The following PRELID2 variants were observed in gnomAD, a reference collection of about 807,000 sequenced individuals.
The protein encoded by PRELID2 is PRELI domain-containing protein 2.
Under a neutral mutation model 28.4 loss-of-function variants are expected in PRELID2, and 25 were observed. That is an observed-to-expected ratio of 0.88 (90% CI 0.64 to 1.23). The LOEUF (loss-of-function observed/expected upper bound fraction) is 1.23. PRELID2 is among the 50% of genes most tolerant of loss of function. The pLI is 0.00. For missense variants in PRELID2, 201 were observed against 214.4 expected, an observed-to-expected ratio of 0.94 and a Z score of 0.39; for synonymous variants, 76 against 71.6, an observed-to-expected ratio of 1.06 and a Z score of -0.31.
the PRELID2 span, among the ~76,000 whole-genome samples, chr5:145,457,272 T>C: frequency 6.6e-6 from 1 of 152,184 alleles, no homozygotes; most frequent in East Asian, 1.9e-4. Flanking sequence ...AATGATCATA[T>C]CAATCATCTC....
At chr5:145,511,760 C>A (rs1752463139) in intron 1 of PRELID2, among the ~76,000 whole-genome samples, 1 of 152,210 alleles carries the variant, frequency 6.6e-6, no homozygotes, top group Non-Finnish European at 1.5e-5. Flanking sequence ...CTTCCAGGAA[C>A]TTTCTGAAGA....
chr5:145,267,914 G>C, the PRELID2 span, among the ~76,000 whole-genome samples: 1 of 152,048 alleles, frequency 6.6e-6, no homozygotes, highest in African/African-American at 2.4e-5. Flanking sequence ...GTGACGTTAA[G>C]CACATTTTAA....
At chr5:145,257,851 TA>T in the PRELID2 span, among the ~76,000 whole-genome samples, 2 of 152,152 alleles carry the variant, frequency 1.3e-5, no homozygotes, top group African/African-American at 2.4e-5. Flanking sequence ...AGTCAAATTG[TA>T]ATCCCCAGTG....
At chr5:145,510,788 G>A (rs1416163706) in intron 1 of PRELID2, among the ~76,000 whole-genome samples, 1 of 152,168 alleles carries the variant, frequency 6.6e-6, no homozygotes, top group East Asian at 1.9e-4. Context: ...AGGAAACTCT[G>A]GGTGTCCTGT....
intron 4 of PRELID2, among the ~76,000 whole-genome samples, chr5:145,796,819 T>G (rs1030492404): frequency 1.3e-5 from 2 of 152,148 alleles, no homozygotes; most frequent in Non-Finnish European, 2.9e-5. Context: ...GATATGACCT[T>G]AGGTAAATTA....
the PRELID2 span, among the ~76,000 whole-genome samples, chr5:145,295,219 C>A: frequency 6.6e-6 from 1 of 151,696 alleles, no homozygotes; most frequent in African/African-American, 2.4e-5. Flanking sequence ...CATAGCCCTG[C>A]AAAAAAATTG....
chr5:145,797,343 A>C (rs546794974), intron 4 of PRELID2, among the ~76,000 whole-genome samples: 1 of 152,262 alleles, frequency 6.6e-6, no homozygotes, highest in Non-Finnish European at 1.5e-5. Context: ...AGCAGATAAG[A>C]AACTTTGTTG....
rs574905936 is a variant in PRELID2 at position 145,577,050 on chromosome 5, G to C, written n.71-103735C>G. 2.2e-3 allele frequency among the ~76,000 whole-genome samples: 338 copies of C among 152,222 alleles called. 2 individuals are homozygous for C. The highest frequency in any genetic ancestry group is 3.4e-3 in the Middle Eastern group (1 of 294). ...ACCACAACAGACACAGTGGTTCCAGGCTTAGGGACCCTGCCAGCCAGCCTT... is the reference window on the plus strand; with the variant it reads ...ACCACAACAGACACAGTGGTTCCAGCCTTAGGGACCCTGCCAGCCAGCCTT... On this transcript the variant is annotated intron_variant and non_coding_transcript_variant, in intron 1 of 2. Coordinates refer to the PRELID2 transcript ENST00000510259.
intron 4 of PRELID2, among the ~76,000 whole-genome samples, chr5:145,815,470 G>A (rs1754234976): frequency 6.6e-6 from 1 of 152,174 alleles, no homozygotes; most frequent in South Asian, 2.1e-4. Context: ...GTGAGGTTTA[G>A]TATATTCGCA....
chr5:145,797,390 T>C (rs1752833682), intron 4 of PRELID2, among the ~76,000 whole-genome samples: 1 of 152,052 alleles, frequency 6.6e-6, no homozygotes, highest in Non-Finnish European at 1.5e-5. Flanking sequence ...CCCAGCATAG[T>C]GTAACGCAAT....
At chr5:145,808,983 G>T (rs1410474762) in intron 4 of PRELID2, among the ~76,000 whole-genome samples, 1 of 150,342 alleles carries the variant, frequency 6.7e-6, no homozygotes, top group Non-Finnish European at 1.5e-5. Context: ...TATTCCACGA[G>T]GGATATATTC....
chr5:145,277,888 G>T, the PRELID2 span, among the ~76,000 whole-genome samples: 1 of 152,132 alleles, frequency 6.6e-6, no homozygotes, highest in South Asian at 2.1e-4. Flanking sequence ...CCACCCTGTG[G>T]CCTTCTATTC....
At chr5:145,534,907 T>C (rs1248553612) in intron 1 of PRELID2, among the ~76,000 whole-genome samples, 1 of 151,940 alleles carries the variant, frequency 6.6e-6, no homozygotes, top group African/African-American at 2.4e-5. Context: ...CTATAGCAAA[T>C]GTCATTTCAA....
chr5:145,666,775 A>G (rs912653473), intron 1 of PRELID2, among the ~76,000 whole-genome samples: 1 of 152,110 alleles, frequency 6.6e-6, no homozygotes, highest in Admixed American at 6.6e-5. Context: ...GCATTTCTCG[A>G]GTCCTTGTTT....
At chr5:145,724,279 A>C (rs905190898) in intron 1 of PRELID2, among the ~76,000 whole-genome samples, 4 of 151,934 alleles carry the variant, frequency 2.6e-5, no homozygotes, top group African/African-American at 9.7e-5. Flanking sequence ...TTCTGCCAAA[A>C]AATTATGATC....
chr5:145,407,257 T>G, the PRELID2 span, among the ~76,000 whole-genome samples: 1 of 152,162 alleles, frequency 6.6e-6, no homozygotes, highest in Non-Finnish European at 1.5e-5. Context: ...GGATATAAAC[T>G]TGGTGCTATG....
In PRELID2 at chr5:145,815,170, C is replaced by T. The variant is rs117978506; in HGVS notation, c.368+2724G>A. On this transcript the variant is annotated intron_variant, in intron 4 of 6. Coordinates refer to ENST00000683046, the MANE Select transcript of PRELID2 (RefSeq NM_205846.3). ...CAAGACTAGAACTCACTCTATCCAC[C>T]ATGTGAGGCAATGATGAGGAGGCAG... Among the ~76,000 whole-genome samples, 142 of 152,270 alleles carry T rather than the reference C, an allele frequency of 9.3e-4. 3 individuals are homozygous for T. In the East Asian group the frequency reaches 0.026, roughly 28 times the overall value.
Position 145,508,070 on chromosome 5 carries a change from G to A in PRELID2, n.71-34755C>T, listed in dbSNP as rs111358332. Among the ~76,000 whole-genome samples, 819 of 152,190 alleles carry A rather than the reference G, an allele frequency of 5.4e-3. 4 individuals carry two copies. Among genetic ancestry groups the A allele is most frequent in the Non-Finnish European group, 8.2e-3 (555 of 68,018 alleles). On this transcript the variant is annotated intron_variant and non_coding_transcript_variant, in intron 1 of 2. Transcript: ENST00000510259. The stretch of plus-strand genomic sequence containing the variant: ...TGTTCATAAAGATTACCAAAATTTA[G>A]TAGTTTAATAATGCTTTTGTGGCAA...
the PRELID2 span, among the ~76,000 whole-genome samples, chr5:145,312,080 TG>T: frequency 6.6e-6 from 1 of 152,098 alleles, no homozygotes; most frequent in Non-Finnish European, 1.5e-5. Flanking sequence ...GTGCATTGAC[TG>T]ATGTCTGTAA....
Sources: gnomAD v4.1 joint callset for allele counts (sites outside exome capture counted in the v4.1 genomes callset) on GRCh38, gnomAD v4.1.1 for gene constraint, MANE v1.5 for transcripts, NCBI Gene and HGNC (gene_info 2026-07-23, HGNC 2026-07-21) for gene names.